Variants in KHDRBS3 observed in about 807,000 individuals in gnomAD.
KHDRBS3 encodes the protein KH RNA binding domain containing, signal transduction associated 3, also known as KH domain-containing, RNA-binding, signal transduction-associated protein 3.
Under a neutral mutation model 45.6 loss-of-function variants are expected in KHDRBS3, and 23 were observed. The ratio of observed to expected loss-of-function variants is 0.50; its 90% CI spans 0.36 to 0.72. The LOEUF is 0.72. Among genes scored for constraint, KHDRBS3 ranks in the 30% least tolerant of loss-of-function variants. The pLI is 0.00. For missense variants in KHDRBS3, 352 were observed against 424.8 expected (o/e 0.83, Z 1.51); for synonymous variants, 162 against 156.5 (o/e 1.04, Z -0.26).
intron 6 of KHDRBS3, among the ~76,000 whole-genome samples, chr8:135,599,709 A>G (rs890599355): frequency 6.6e-6 from 1 of 152,356 alleles, no homozygotes; most frequent in South Asian, 2.1e-4. Context: ...AGGCAAAGAA[A>G]TAATTACAGA....
intron 4 of KHDRBS3, among the ~76,000 whole-genome samples, chr8:135,552,522 C>T (rs1276012562): frequency 6.6e-6 from 1 of 152,114 alleles, no homozygotes; most frequent in Non-Finnish European, 1.5e-5. Context: ...GAGTATAGGT[C>T]ACGTTTTCCT....
chr8:135,526,908 A>C (rs1825217121), intron 2 of KHDRBS3, among the ~76,000 whole-genome samples: 1 of 151,806 alleles, frequency 6.6e-6, no homozygotes, highest in Non-Finnish European at 1.5e-5. Flanking sequence ...TTTTTTTTAG[A>C]AGCTATGGAA....
Position 135,600,862 on chromosome 8 carries a change from C to A in KHDRBS3, c.808-6093C>A, listed in dbSNP as rs188173866. On this transcript the variant is annotated intron_variant, in intron 6 of 8. Transcript: ENST00000355849. ...TACAGGTGCCCACCACCATGCCTGGCTAAGTTTTGTATTTTTTTAGTAGAG... is the reference window on the plus strand; with the variant it reads ...TACAGGTGCCCACCACCATGCCTGGATAAGTTTTGTATTTTTTTAGTAGAG... Among the ~76,000 whole-genome samples the A allele has an allele frequency of 6.6e-5, 10 of 152,196 alleles. No individual in the cohort carries two copies. In the East Asian group the frequency reaches 9.7e-4, roughly 15 times the overall value.
chr8:135,460,228 T>G (rs570217763), intron 1 of KHDRBS3, among the ~76,000 whole-genome samples: 1 of 152,404 alleles, frequency 6.6e-6, no homozygotes, highest in South Asian at 2.1e-4. Context: ...CAGCAGTTAT[T>G]CACATTGGAG....
intron 6 of KHDRBS3, among the ~76,000 whole-genome samples, chr8:135,601,685 A>G (rs1829222442): frequency 6.6e-6 from 1 of 152,228 alleles, no homozygotes; most frequent in African/African-American, 2.4e-5. Flanking sequence ...CCAGCACTGA[A>G]GTGTAGTGAG....
chr8:135,606,881 C>A, intron 6 of KHDRBS3, 74 bp from the exon 7 acceptor site: 1 of 1,140,510 alleles, frequency 8.8e-7, no homozygotes, highest in Non-Finnish European at 1.3e-6. Context: ...AATGGAAATT[C>A]ACTAAAAGCA....
At chr8:135,580,436 CCATT>C in intron 5 of KHDRBS3, among the ~76,000 whole-genome samples, 1 of 152,084 alleles carries the variant, frequency 6.6e-6, no homozygotes, top group South Asian at 2.1e-4. Context: ...AGACATAAGC[CCATT>C]CAGATTATTT....
chr8:135,583,592 G>T (rs903267683), intron 6 of KHDRBS3, among the ~76,000 whole-genome samples: 2 of 152,174 alleles, frequency 1.3e-5, no homozygotes, highest in African/African-American at 4.8e-5. Context: ...GGCAGGTTGT[G>T]TGGGAAACCT....
intron 1 of KHDRBS3, among the ~76,000 whole-genome samples, chr8:135,492,516 C>CATATATATATATATATATATACATAT (rs3029812): frequency 3.4e-5 from 5 of 145,856 alleles, no homozygotes; most frequent in African/African-American, 1.3e-4. Flanking sequence ...TATATATATA[C>CATATATATATATATATATATACATAT]ATATATATAT....
chr8:135,570,536 AAATGGT>A (rs1295594577), intron 5 of KHDRBS3, among the ~76,000 whole-genome samples: 1 of 152,214 alleles, frequency 6.6e-6, no homozygotes, highest in Non-Finnish European at 1.5e-5. Flanking sequence ...AGATATAGGA[AAATGGT>A]AATATATTTC....
chr8:135,649,132 C>A (rs536637807), downstream of KHDRBS3, among the ~76,000 whole-genome samples: 10 of 152,140 alleles, frequency 6.6e-5, no homozygotes, highest in African/African-American at 2.4e-4. Context: ...ATGTAAAAAT[C>A]TGGGGACCTA....
intron 1 of KHDRBS3, among the ~76,000 whole-genome samples, chr8:135,463,769 A>G (rs1821552745): frequency 6.6e-6 from 1 of 152,186 alleles, no homozygotes; most frequent in Non-Finnish European, 1.5e-5. Flanking sequence ...TTGAGTGCCA[A>G]CAGCAACTTT....
chr8:135,521,651 TTTAAAA>T (rs757324906), intron 2 of KHDRBS3, among the ~76,000 whole-genome samples: 10 of 152,304 alleles, frequency 6.6e-5, no homozygotes, highest in Non-Finnish European at 1.3e-4. Context: ...GGTTGGATGG[TTTAAAA>T]TTACATGAGA....
At chr8:135,602,495 T>C (rs1829261125) in intron 6 of KHDRBS3, among the ~76,000 whole-genome samples, 1 of 152,192 alleles carries the variant, frequency 6.6e-6, no homozygotes, top group African/African-American at 2.4e-5. Context: ...ATTGCTAGTA[T>C]TGTAATATCT....
intron 6 of KHDRBS3, among the ~76,000 whole-genome samples, chr8:135,599,466 A>C (rs1019920680): frequency 6.6e-6 from 1 of 152,228 alleles, no homozygotes; most frequent in African/African-American, 2.4e-5. Context: ...CTTGTCATCA[A>C]ATTTTACAGT....
chr8:135,620,517 A>G (rs1409244322), intron 7 of KHDRBS3, among the ~76,000 whole-genome samples: 1 of 152,168 alleles, frequency 6.6e-6, no homozygotes, highest in Non-Finnish European at 1.5e-5. Flanking sequence ...TACTTGACTC[A>G]ATAACCTATT....
chr8:135,546,879 G>A (rs1352440167), intron 3 of KHDRBS3, among the ~76,000 whole-genome samples: 1 of 152,112 alleles, frequency 6.6e-6, no homozygotes, highest in Non-Finnish European at 1.5e-5. Flanking sequence ...TCCCCTCTCT[G>A]TGGGATTGTA....
At chr8:135,520,678 AATCATC>A (rs1824861181) in intron 1 of KHDRBS3, among the ~76,000 whole-genome samples, 1 of 152,358 alleles carries the variant, frequency 6.6e-6, no homozygotes, top group Middle Eastern at 3.4e-3. Context: ...ATGAAGATGA[AATCATC>A]ATAACAAGTA....
intron 8 of KHDRBS3, 152 bp downstream of exon 8, chr8:135,645,269 C>G: frequency 1.6e-6 from 1 of 619,454 alleles, no homozygotes; most frequent in South Asian, 2.9e-5. Flanking sequence ...ATTTTTAGGG[C>G]TCCTTTATTA....
Sources: allele counts gnomAD v4.1 joint callset (sites outside exome capture counted in the v4.1 genomes callset), GRCh38; gene constraint gnomAD v4.1.1; transcripts MANE v1.5; gene names NCBI Gene and HGNC (gene_info 2026-07-23, HGNC 2026-07-21).